Variants in EIPR1 observed in about 807,000 individuals in gnomAD.
EIPR1 encodes the protein EARP and GARP complex-interacting protein 1.
Under a neutral mutation model 48.1 loss-of-function variants are expected in EIPR1, and 25 were observed. The ratio of observed to expected loss-of-function variants is 0.52; its 90% CI spans 0.38 to 0.73. EIPR1 has a LOEUF of 0.73. Ranked by LOEUF, EIPR1 falls within the 30% of genes least tolerant of loss-of-function variation. EIPR1 has a pLI of 0.00. For synonymous variants in EIPR1, 204 were observed against 201.9 expected (o/e 1.01, Z -0.09); for missense variants, 415 against 506.2 (o/e 0.82, Z 1.73).
chr2:3,237,550 T>C (rs1240167368), intron 4 of EIPR1, among the ~76,000 whole-genome samples: 2 of 152,202 alleles, frequency 1.3e-5, no homozygotes, highest in Non-Finnish European at 2.9e-5. Flanking sequence ...GGTTCCACAC[T>C]ATCAGCCGTT....
chr2:3,271,820 T>C (rs1667709656), intron 3 of EIPR1, among the ~76,000 whole-genome samples: 1 of 152,224 alleles, frequency 6.6e-6, no homozygotes, highest in African/African-American at 2.4e-5. Context: ...AGTCAGCCTG[T>C]CCATTAAAGC....
intron 3 of EIPR1, among the ~76,000 whole-genome samples, chr2:3,305,253 C>T (rs1468446935): frequency 1.1e-4 from 16 of 147,118 alleles, no homozygotes; most frequent in East Asian, 4.1e-4. Context: ...CTTCCACTCC[C>T]GTACAGTTCA....
chr2:3,209,165 G>A (rs1665351838), intron 5 of EIPR1, among the ~76,000 whole-genome samples: 1 of 152,196 alleles, frequency 6.6e-6, no homozygotes, highest in African/African-American at 2.4e-5. Flanking sequence ...TGGAGAGAGA[G>A]GGCAGGCCCA....
At chr2:3,322,309 G>C (rs1431691338) in intron 3 of EIPR1, among the ~76,000 whole-genome samples, 1 of 152,240 alleles carries the variant, frequency 6.6e-6, no homozygotes, top group Non-Finnish European at 1.5e-5. Flanking sequence ...TGGGTGCCTG[G>C]AGTTTGGGAC....
intron 4 of EIPR1, among the ~76,000 whole-genome samples, chr2:3,237,110 G>A (rs191386117): frequency 1.2e-3 from 183 of 152,202 alleles, no homozygotes; most frequent in African/African-American, 4.3e-3. Context: ...TCCCCACACA[G>A]GTCCACCTGG....
intron 3 of EIPR1, chr2:3,320,281 A>C: frequency 6.1e-6 from 1 of 164,992 alleles, no homozygotes; most frequent in Non-Finnish European, 1.3e-5. Context: ...AGACAACACT[A>C]TACCTGCGGA....
At chr2:3,266,457 C>T (rs921949690) in intron 3 of EIPR1, among the ~76,000 whole-genome samples, 3 of 152,212 alleles carry the variant, frequency 2.0e-5, no homozygotes, top group African/African-American at 4.8e-5. Flanking sequence ...CTTTTAAATG[C>T]CTTAGGGATG....
intron 4 of EIPR1, among the ~76,000 whole-genome samples, chr2:3,248,410 A>G (rs1450141899): frequency 6.6e-6 from 1 of 152,246 alleles, no homozygotes; most frequent in African/African-American, 2.4e-5. Flanking sequence ...CCTGGCCAAC[A>G]TGGCAAAACG....
chr2:3,208,797 G>A (rs1665330904), intron 5 of EIPR1: 1 of 1,548,810 alleles, frequency 6.5e-7, no homozygotes, highest in African/African-American at 1.4e-5. Flanking sequence ...GCTCGTGGCA[G>A]GTCCTCCTTC....
At chr2:3,218,851 C>T (rs941458178) in intron 4 of EIPR1, among the ~76,000 whole-genome samples, 1 of 149,274 alleles carries the variant, frequency 6.7e-6, no homozygotes, top group Non-Finnish European at 1.5e-5. Flanking sequence ...CAGGTGCACA[C>T]CCAACATGGC....
At chr2:3,368,190 T>G (rs776528558) in intron 1 of EIPR1, among the ~76,000 whole-genome samples, 1 of 152,174 alleles carries the variant, frequency 6.6e-6, no homozygotes, top group South Asian at 2.1e-4. Flanking sequence ...CCACAGTCTC[T>G]TTGCCCCTCT....
chr2:3,278,198 CG>C (rs1156684100), intron 3 of EIPR1, among the ~76,000 whole-genome samples: 15 of 152,198 alleles, frequency 9.9e-5, no homozygotes, highest in Admixed American at 5.2e-4. Context: ...GAGATGGAAA[CG>C]AGAGGAGGGG....
chr2:3,222,534 A>AC (rs66911259), intron 4 of EIPR1, among the ~76,000 whole-genome samples: 137,763 of 152,292 alleles, frequency 0.9, 62,854 homozygotes, highest in East Asian at 0.98. Flanking sequence ...TTAGAAAATA[A>AC]CTGGCTTCGA....
intron 1 of EIPR1, among the ~76,000 whole-genome samples, chr2:3,368,736 T>C (rs1156789745): frequency 1.3e-5 from 2 of 152,218 alleles, no homozygotes; most frequent in African/African-American, 4.8e-5. Context: ...ATTAAACTCA[T>C]ATTGAGAAAA....
chr2:3,206,317 TGAG>T (rs1430776146), intron 5 of EIPR1, among the ~76,000 whole-genome samples: 1 of 152,192 alleles, frequency 6.6e-6, no homozygotes, highest in African/African-American at 2.4e-5. Context: ...CCCTTAGCCC[TGAG>T]GGAGGCTCTG....
intron 2 of EIPR1, among the ~76,000 whole-genome samples, chr2:3,341,104 A>G (rs1670228927): frequency 6.7e-6 from 1 of 148,322 alleles, no homozygotes; most frequent in African/African-American, 2.5e-5. Context: ...TCAAAAAAAA[A>G]AAAAAAAAAA....
intron 3 of EIPR1, among the ~76,000 whole-genome samples, chr2:3,273,810 G>A (rs1410348431): frequency 3.9e-5 from 6 of 152,206 alleles, no homozygotes; most frequent in Non-Finnish European, 7.3e-5. Context: ...ATAGGAGCCT[G>A]TGACCCACGA....
At chr2:3,248,600 G>GA (rs201541015) in intron 4 of EIPR1, among the ~76,000 whole-genome samples, 149 of 149,298 alleles carry the variant, frequency 1.0e-3, no homozygotes, top group African/African-American at 3.4e-3. Flanking sequence ...TCTCGAAAAA[G>GA]AAAAAAAACA....
chr2:3,194,412 G>A (rs1295389305), intron 6 of EIPR1: 3 of 337,802 alleles, frequency 8.9e-6, no homozygotes, highest in East Asian at 4.8e-5. Context: ...GGCGAGCCGT[G>A]GAAGGAATTT....
Sources: gnomAD v4.1 joint callset for allele counts (sites outside exome capture counted in the v4.1 genomes callset) on GRCh38, gnomAD v4.1.1 for gene constraint, MANE v1.5 for transcripts, NCBI Gene and HGNC (gene_info 2026-07-23, HGNC 2026-07-21) for gene names.